The following HDAC4 variants were observed in gnomAD, a reference collection of about 807,000 sequenced individuals.
The protein encoded by HDAC4 is histone deacetylase A.
Under a neutral mutation model 135.1 loss-of-function variants are expected in HDAC4, and 16 were observed. The observed-to-expected ratio is 0.12, with a 90% CI of 0.08 to 0.18. The LOEUF (loss-of-function observed/expected upper bound fraction) is 0.18. Ranked by LOEUF, HDAC4 falls within the 10% of genes least tolerant of loss-of-function variation. The pLI, the probability that HDAC4 is intolerant of heterozygous loss-of-function variation, is 1.00. For missense variants in HDAC4, 1,143 were observed against 1,511.8 expected (o/e 0.76, Z 4.05); for synonymous variants, 685 against 653.4 (o/e 1.05, Z -0.74).
At chr2:239,345,077 C>T (rs1692526217) in intron 2 of HDAC4, among the ~76,000 whole-genome samples, 1 of 152,154 alleles carries the variant, frequency 6.6e-6, no homozygotes, top group South Asian at 2.1e-4. Flanking sequence ...CCTGGGAGCC[C>T]TCTTGGGCCT....
chr2:239,220,071 C>T (rs2046865228), intron 3 of HDAC4, among the ~76,000 whole-genome samples: 1 of 152,214 alleles, frequency 6.6e-6, no homozygotes, highest in African/African-American at 2.4e-5. Context: ...CTCCATGAAA[C>T]ATTTACAAAA....
At chr2:239,367,264 T>G (rs1207050151) in intron 1 of HDAC4, among the ~76,000 whole-genome samples, 1 of 152,132 alleles carries the variant, frequency 6.6e-6, no homozygotes, top group African/African-American at 2.4e-5. Flanking sequence ...CGAGAGCCGG[T>G]GTGAGAAGCA....
intron 2 of HDAC4, among the ~76,000 whole-genome samples, chr2:239,326,536 A>G (rs2053474867): frequency 6.6e-6 from 1 of 152,248 alleles, no homozygotes; most frequent in African/African-American, 2.4e-5. Flanking sequence ...ATTTTACCAC[A>G]ATAAAAAAGC....
chr2:239,296,501 G>T (rs1349170141), intron 2 of HDAC4, among the ~76,000 whole-genome samples: 1 of 152,244 alleles, frequency 6.6e-6, no homozygotes, highest in Non-Finnish European at 1.5e-5. Flanking sequence ...GTCACCCCGT[G>T]ACATTTCCTG....
At chr2:239,074,218 T>C (rs753084059) in intron 22 of HDAC4, among the ~76,000 whole-genome samples, 1 of 152,250 alleles carries the variant, frequency 6.6e-6, no homozygotes, top group Non-Finnish European at 1.5e-5. Context: ...GAAAAACACA[T>C]TTCCAGCCAT....
In HDAC4 at chr2:239,139,249, A is replaced by C. The variant is rs2152898763; in HGVS notation, c.978+435T>G. Among the ~76,000 whole-genome samples, 1 of 152,300 alleles carries C rather than the reference A, an allele frequency of 6.6e-6. No individual in the cohort carries two copies. The highest frequency in any genetic ancestry group is 2.1e-4 in the South Asian group (1 of 4,820). ...GTGTATTTCTCAATACAAAATAAAAAATGTTAAGTCTCACTTAGCAACTAT... is the reference window on the plus strand; with the variant it reads ...GTGTATTTCTCAATACAAAATAAAACATGTTAAGTCTCACTTAGCAACTAT... On this transcript the variant is annotated intron_variant, in intron 9 of 26. Transcript: ENST00000543185. The surrounding 1 kb of genome is among the most constrained non-coding windows in gnomAD (Gnocchi z 5.3).
chr2:239,123,132 G>A (rs1170436580), intron 12 of HDAC4, among the ~76,000 whole-genome samples: 1 of 152,270 alleles, frequency 6.6e-6, no homozygotes, highest in Non-Finnish European at 1.5e-5. Flanking sequence ...TATACGGCAT[G>A]TGAATAGGTG....
At chr2:239,169,983 A>T (rs146891457) in intron 5 of HDAC4, among the ~76,000 whole-genome samples, 4 of 152,352 alleles carry the variant, frequency 2.6e-5, no homozygotes, top group Non-Finnish European at 5.9e-5. Context: ...CTACAATGGA[A>T]TATAAACCCT....
intron 19 of HDAC4, chr2:239,085,855 G>C (rs1047170751): frequency 3.4e-4 from 49 of 144,666 alleles, no homozygotes; most frequent in Non-Finnish European, 6.6e-4. Context: ...ACACGAAGGA[G>C]ACTCTGCTCT....
At chr2:239,374,386 C>CTTTTTTTTTTTTTTTT (rs755538495) in intron 1 of HDAC4, among the ~76,000 whole-genome samples, 1 of 56,666 alleles carries the variant, frequency 1.8e-5, no homozygotes. Flanking sequence ...GAAAACAAGG[C>CTTTTTTTTTTTTTTTT]TTTTTTTTTT....
At chr2:239,296,167 A>G (rs1458943930) in intron 2 of HDAC4, among the ~76,000 whole-genome samples, 3 of 152,226 alleles carry the variant, frequency 2.0e-5, no homozygotes, top group Non-Finnish European at 4.4e-5. Flanking sequence ...CGTGTCCTTG[A>G]GCACTCTGCT....
intron 3 of HDAC4, among the ~76,000 whole-genome samples, chr2:239,233,068 G>A (rs1189900010): frequency 2.0e-5 from 3 of 152,278 alleles, no homozygotes; most frequent in Non-Finnish European, 4.4e-5. Context: ...CAAAGAAATA[G>A]GAGGCAAAGA....
chr2:239,237,552 A>G (rs368974698), intron 2 of HDAC4, among the ~76,000 whole-genome samples: 1 of 151,756 alleles, frequency 6.6e-6, no homozygotes, highest in East Asian at 1.9e-4. Flanking sequence ...ACAGGACAAA[A>G]ACGACTAACA....
chr2:239,163,770 G>A (rs1454369105), intron 6 of HDAC4, 33 bp downstream of exon 6: 9 of 1,612,506 alleles, frequency 5.6e-6, no homozygotes, highest in Non-Finnish European at 7.6e-6. Flanking sequence ...CCCCCAGAGA[G>A]GAGGCCGGGG....
intron 2 of HDAC4, among the ~76,000 whole-genome samples, chr2:239,248,844 C>T (rs564954008): frequency 1.3e-5 from 2 of 152,332 alleles, no homozygotes; most frequent in Admixed American, 1.3e-4. Context: ...CACACGGACT[C>T]ATTCAAGCCT....
At chr2:239,170,508 C>T (rs1328011257) in intron 5 of HDAC4, among the ~76,000 whole-genome samples, 2 of 152,178 alleles carry the variant, frequency 1.3e-5, no homozygotes, top group African/African-American at 4.8e-5. Flanking sequence ...TCACCAAACA[C>T]ACCAAATATT....
chr2:239,258,362 T>C (rs1466877652), intron 2 of HDAC4, among the ~76,000 whole-genome samples: 1 of 148,902 alleles, frequency 6.7e-6, no homozygotes, highest in Non-Finnish European at 1.5e-5. Context: ...CTACCCCAAA[T>C]GGCTAAAAGA....
intron 6 of HDAC4, among the ~76,000 whole-genome samples, chr2:239,160,075 G>A (rs2042694021): frequency 6.6e-6 from 1 of 152,202 alleles, no homozygotes; most frequent in Non-Finnish European, 1.5e-5. Context: ...GAAATACAAC[G>A]AGGAACCACA....
intron 3 of HDAC4, among the ~76,000 whole-genome samples, chr2:239,190,280 C>A (rs1269057880): frequency 1.3e-5 from 2 of 152,052 alleles, no homozygotes; most frequent in East Asian, 3.9e-4. Flanking sequence ...GGGGCCCATT[C>A]CTCAAGGGCA....
Sources: allele counts gnomAD v4.1 joint callset (sites outside exome capture counted in the v4.1 genomes callset), GRCh38; gene constraint gnomAD v4.1.1; non-coding constraint Gnocchi (gnomAD v3.1); transcripts MANE v1.5; gene names NCBI Gene and HGNC (gene_info 2026-07-23, HGNC 2026-07-21).